The following SNX7 variants were observed in gnomAD, a reference collection of about 807,000 sequenced individuals.
SNX7 encodes sorting nexin 7.
Under a neutral mutation model 48.4 loss-of-function variants are expected in SNX7, and 35 were observed. That is an observed-to-expected ratio of 0.72 (90% confidence interval 0.55 to 0.96). SNX7 has a LOEUF of 0.96. Ranked by LOEUF, SNX7 falls within the 40% of genes least tolerant of loss-of-function variation. SNX7 has a pLI of 0.00. For missense variants in SNX7, 553 were observed against 548.9 expected, an observed-to-expected ratio of 1.01 and a Z score of -0.07; for synonymous variants, 190 against 190.2, an observed-to-expected ratio of 1.00 and a Z score of 0.01.
intron 8 of SNX7, among the ~76,000 whole-genome samples, chr1:98,750,809 T>A (rs1654544238): frequency 6.6e-6 from 1 of 152,134 alleles, no homozygotes; most frequent in Non-Finnish European, 1.5e-5. Flanking sequence ...TTTATGAATC[T>A]TATATTTGGA....
chr1:98,676,885 T>C (rs1011467526), intron 1 of SNX7, among the ~76,000 whole-genome samples: 5 of 152,214 alleles, frequency 3.3e-5, no homozygotes, highest in Admixed American at 3.3e-4. Flanking sequence ...ATGGCAGAGA[T>C]AGGACCAGAA....
chr1:98,694,098 C>T (rs1056685312), intron 4 of SNX7, among the ~76,000 whole-genome samples: 1 of 152,158 alleles, frequency 6.6e-6, no homozygotes, highest in Non-Finnish European at 1.5e-5. Context: ...CAGCTGGGCG[C>T]GGTGGCTCAC....
intron 2 of SNX7, 97 bp downstream of exon 2, chr1:98,685,164 A>T: frequency 1.3e-6 from 1 of 743,926 alleles, no homozygotes; most frequent in South Asian, 4.8e-5. Context: ...ACATTCCAAG[A>T]TCTTAGCTGA....
At chr1:98,686,289 T>C (rs984269568) in intron 2 of SNX7, among the ~76,000 whole-genome samples, 11 of 152,126 alleles carry the variant, frequency 7.2e-5, no homozygotes, top group African/African-American at 2.4e-4. Context: ...TATAGCAAAA[T>C]ATCAAAAGCA....
rs1442494918 is a variant in SNX7 at position 98,701,811 on chromosome 1, G to A, written c.1039-6G>A. On this transcript the variant is annotated splice_polypyrimidine_tract_variant and splice_region_variant and intron_variant, in intron 6 of 8. Transcript: ENST00000306121. ...GCCTATTTTATCTGTGTGTTTTAAT[G>A]TAAAGGGTGTTATGAAAAGAAGAGA... is the stretch of plus-strand genomic sequence containing the variant. The A allele has an allele frequency of 4.4e-6, 7 of 1,599,320 alleles. No individual in the cohort carries two copies. Among genetic ancestry groups the A allele is most frequent in the Non-Finnish European group, 6.0e-6 (7 of 1,171,122 alleles).
rs557025509 is a variant in SNX7 at position 98,733,447 on chromosome 1, G to A, written c.1126-4790G>A. 3.7e-4 allele frequency among the ~76,000 whole-genome samples: 57 copies of A among 152,136 alleles called. 1 individual carries two copies. The highest frequency in any genetic ancestry group is 1.3e-3 in the African/African-American group (54 of 41,506). Reference sequence around the variant, plus strand: ...CTCCACTTGTCCTCTGTGAAAAGACGAACAACCTGCAGGAGAAATCCCTTT... The same window carrying A: ...CTCCACTTGTCCTCTGTGAAAAGACAAACAACCTGCAGGAGAAATCCCTTT... On this transcript the variant is annotated intron_variant, in intron 7 of 8. Transcript: ENST00000306121.
chr1:98,731,990 C>T (rs1028947093), intron 7 of SNX7, among the ~76,000 whole-genome samples: 1 of 151,994 alleles, frequency 6.6e-6, no homozygotes, highest in South Asian at 2.1e-4. Flanking sequence ...TGCAGATGGT[C>T]CCTGAATTCT....
upstream of SNX7, chr1:98,661,612 G>C: frequency 1.1e-6 from 1 of 936,082 alleles, no homozygotes; most frequent in Non-Finnish European, 1.4e-6. Context: ...TCTGCGCAGC[G>C]GGCGAGGGGC....
At chr1:98,680,553 C>T (rs906631908) in intron 1 of SNX7, among the ~76,000 whole-genome samples, 1 of 152,164 alleles carries the variant, frequency 6.6e-6, no homozygotes, top group Non-Finnish European at 1.5e-5. Flanking sequence ...TGCTCCGCTT[C>T]CCTTGTAAAA....
intron 8 of SNX7, among the ~76,000 whole-genome samples, chr1:98,747,446 A>C (rs1051787571): frequency 2.0e-5 from 3 of 152,184 alleles, no homozygotes; most frequent in Non-Finnish European, 2.9e-5. Context: ...AATTCTATGG[A>C]ACAATTCAAA....
intron 1 of SNX7, among the ~76,000 whole-genome samples, chr1:98,667,282 A>G (rs1164265591): frequency 3.3e-5 from 5 of 152,236 alleles, no homozygotes; most frequent in African/African-American, 1.2e-4. Context: ...ATGGAATTTA[A>G]TTGGGATAAA....
At chr1:98,723,245 A>C (rs1163806780) in intron 7 of SNX7, among the ~76,000 whole-genome samples, 8 of 152,318 alleles carry the variant, frequency 5.3e-5, no homozygotes, top group African/African-American at 1.9e-4. Flanking sequence ...CTATTATTTA[A>C]GCTGAGATGA....
At chr1:98,751,518 C>T (rs1417887351) in intron 8 of SNX7, among the ~76,000 whole-genome samples, 1 of 152,046 alleles carries the variant, frequency 6.6e-6, no homozygotes, top group Non-Finnish European at 1.5e-5. Context: ...TCTCTGAGTT[C>T]TCTCCTCAAA....
chr1:98,744,046 A>G (rs992440889), intron 8 of SNX7, among the ~76,000 whole-genome samples: 2 of 152,074 alleles, frequency 1.3e-5, no homozygotes, highest in Non-Finnish European at 2.9e-5. Context: ...TGAAAGGAGC[A>G]ATGAGGGGAA....
intron 7 of SNX7, among the ~76,000 whole-genome samples, chr1:98,723,347 CG>C (rs1271023121): frequency 3.0e-4 from 45 of 151,378 alleles, no homozygotes; most frequent in African/African-American, 9.2e-4. Context: ...AAGTTTTAAA[CG>C]GTTTTTTTTC....
intron 1 of SNX7, among the ~76,000 whole-genome samples, chr1:98,668,688 A>G (rs1649677363): frequency 6.6e-6 from 1 of 152,232 alleles, no homozygotes; most frequent in Non-Finnish European, 1.5e-5. Context: ...AGCTTGGAAG[A>G]GATGGGTTAA....
At chr1:98,744,210 G>A (rs1354166331) in intron 8 of SNX7, among the ~76,000 whole-genome samples, 1 of 151,988 alleles carries the variant, frequency 6.6e-6, no homozygotes, top group Non-Finnish European at 1.5e-5. Context: ...ATTTAGTAAA[G>A]TAGCTTAAAA....
chr1:98,747,007 AT>A, intron 8 of SNX7, among the ~76,000 whole-genome samples: 1 of 152,086 alleles, frequency 6.6e-6, no homozygotes, highest in Middle Eastern at 3.4e-3. Flanking sequence ...CTCTTAATTA[AT>A]TTTGAAAAAA....
chr1:98,662,443 T>C, intron 1 of SNX7: 1 of 303,080 alleles, frequency 3.3e-6, no homozygotes, highest in Non-Finnish European at 6.5e-6. Context: ...GAGAAAACGG[T>C]TGTTTCTAAC....
Sources: gnomAD v4.1 joint callset for allele counts (sites outside exome capture counted in the v4.1 genomes callset) on GRCh38, gnomAD v4.1.1 for gene constraint, MANE v1.5 for transcripts, NCBI Gene and HGNC (gene_info 2026-07-23, HGNC 2026-07-21) for gene names.